The following CREB3L2 variants were observed in gnomAD, a reference collection of about 807,000 sequenced individuals.
CREB3L2 encodes the protein cAMP responsive element binding protein 3 like 2.
A neutral mutation model predicts 57.2 loss-of-function variants in CREB3L2; 23 were observed. That is an observed-to-expected ratio of 0.40 (90% confidence interval 0.29 to 0.57). The LOEUF (loss-of-function observed/expected upper bound fraction) is 0.57. Among genes scored for constraint, CREB3L2 ranks in the 20% least tolerant of loss-of-function variants. CREB3L2 has a pLI of 0.42. For missense variants in CREB3L2, 628 were observed against 634.7 expected (o/e 0.99, Z 0.11); for synonymous variants, 268 against 265.1 (o/e 1.01, Z -0.11).
intron 2 of CREB3L2, chr7:137,922,836 G>C (rs1396346472): frequency 5.7e-6 from 1 of 174,812 alleles, no homozygotes; most frequent in Non-Finnish European, 1.2e-5. Flanking sequence ...CATTTCATTT[G>C]TTTGCCCTTT....
chr7:137,907,960 A>C (rs1466832092), intron 5 of CREB3L2, among the ~76,000 whole-genome samples: 1 of 152,176 alleles, frequency 6.6e-6, no homozygotes, highest in East Asian at 1.9e-4. Flanking sequence ...GAGGAGAAAA[A>C]CCCCAAATTT....
intron 8 of CREB3L2, among the ~76,000 whole-genome samples, chr7:137,892,179 T>C (rs1277594803): frequency 1.3e-5 from 2 of 152,158 alleles, no homozygotes; most frequent in Non-Finnish European, 2.9e-5. Context: ...TCAGAGGGCA[T>C]TGTATGCTGT....
rs1003226630 is a variant in CREB3L2, at chr7:137,878,916, T to C, written c.*1560A>G. The C allele has an allele frequency of 2.2e-5, 7 of 319,614 alleles. No homozygotes were observed. Among genetic ancestry groups the C allele is most frequent in the African/African-American group, 2.1e-4 (7 of 33,882 alleles). The allele number at this position is 319,614 out of a possible 1,614,324, so 19.8% of individuals were successfully genotyped here. A position where few individuals can be genotyped will look rare whatever the true frequency, so the allele number is the denominator to read the frequency against. On this transcript the variant is annotated 3_prime_UTR_variant, in exon 12 of 12. Transcript: ENST00000330387. The stretch of plus-strand genomic sequence containing the variant: ...ACAATGCAGATGACGTGTGTGGGGG[T>C]GGGTGGTGGGGGGAGAGAGAGAAGG...
chr7:138,001,815 C>G lies in CREB3L2; in HGVS notation c.-110G>C. 1.4e-6 allele frequency: 1 copy of G among 717,512 alleles called. No individual in the cohort carries two copies. The highest frequency in any genetic ancestry group is 2.1e-6 in the Non-Finnish European group (1 of 465,924). 44.4% of individuals were successfully genotyped at this position (717,512 alleles called of 1,614,324 possible). ...CTCCGCGTGTGCTTGCGTGTGTGCG[C>G]GCGCGTGTCTGTAGTTTTGCACTTG... is the stretch of plus-strand genomic sequence containing the variant. On this transcript the variant is annotated 5_prime_UTR_variant, in exon 1 of 12. Transcript: ENST00000330387. This position sits in a 1 kb window ranked among gnomAD's most constrained non-coding sequence, Gnocchi z 4.2.
chr7:137,896,580 TGTGAGCCACC>T (rs1799632243), intron 8 of CREB3L2, among the ~76,000 whole-genome samples: 1 of 152,146 alleles, frequency 6.6e-6, no homozygotes, highest in Non-Finnish European at 1.5e-5. Context: ...GGATTACAGG[TGTGAGCCACC>T]GCGCCAGGTC....
chr7:137,972,764 G>T (rs1170876456), intron 1 of CREB3L2, among the ~76,000 whole-genome samples: 7,122 of 79,166 alleles, frequency 0.09, 593 homozygotes, highest in Middle Eastern at 0.14. Flanking sequence ...GAGAGAGAGA[G>T]AGAGAGAAAA....
At chr7:137,895,871 G>A (rs963058055) in intron 8 of CREB3L2, among the ~76,000 whole-genome samples, 32 of 152,278 alleles carry the variant, frequency 2.1e-4, no homozygotes, top group African/African-American at 7.5e-4. Context: ...CCCATTTCTG[G>A]TGACCCAGGA....
At chr7:137,924,713 G>A (rs1278061042) in intron 2 of CREB3L2, among the ~76,000 whole-genome samples, 1 of 151,754 alleles carries the variant, frequency 6.6e-6, no homozygotes, top group Non-Finnish European at 1.5e-5. Flanking sequence ...TTAGCATCTG[G>A]TTCACAGCCT....
chr7:137,924,956 T>A (rs1163127603), intron 2 of CREB3L2, among the ~76,000 whole-genome samples: 3 of 152,214 alleles, frequency 2.0e-5, no homozygotes, highest in Non-Finnish European at 4.4e-5. Flanking sequence ...ATCTAAGAAA[T>A]GATATAATAA....
In CREB3L2 at chr7:137,922,437, C is replaced by T. The variant is rs1480727516; in HGVS notation, c.319+5713G>A. 8.3e-3 allele frequency among the ~76,000 whole-genome samples: 814 copies of T among 98,656 alleles called. 59 individuals are homozygous for T. The highest frequency in any genetic ancestry group is 0.043 in the African/African-American group (660 of 15,314). The allele number at this position is 98,656 out of a possible 152,430, so 64.7% of individuals were successfully genotyped here. On this transcript the variant is annotated intron_variant, in intron 2 of 11. Coordinates refer to ENST00000330387, the MANE Select transcript of CREB3L2 (RefSeq NM_194071.4). ...ATATGTATATATATATATATATATA[C>T]GTATATATATATATATACACACATA...
chr7:137,973,033 C>T (rs1801545022), intron 1 of CREB3L2, among the ~76,000 whole-genome samples: 1 of 151,662 alleles, frequency 6.6e-6, no homozygotes, highest in Non-Finnish European at 1.5e-5. Flanking sequence ...TGAGAGAACA[C>T]AGACACACAC....
intron 1 of CREB3L2, among the ~76,000 whole-genome samples, chr7:137,948,444 T>G (rs769035326): frequency 4.6e-5 from 7 of 152,154 alleles, no homozygotes; most frequent in South Asian, 4.2e-4. Flanking sequence ...CTCCTCCAAC[T>G]CTCCAACTCT....
At chr7:137,996,263 T>C (rs1354767204) in intron 1 of CREB3L2, among the ~76,000 whole-genome samples, 1 of 152,248 alleles carries the variant, frequency 6.6e-6, no homozygotes, top group Non-Finnish European at 1.5e-5. Context: ...AAATCTTTCC[T>C]GACAGCAAAA....
Position 137,880,290 on chromosome 7 carries a change from G to A in CREB3L2, c.*186C>T. On this transcript the variant is annotated 3_prime_UTR_variant, in exon 12 of 12. Coordinates refer to ENST00000330387, the MANE Select transcript of CREB3L2 (RefSeq NM_194071.4). The surrounding 1 kb of genome is among the most constrained non-coding windows in gnomAD (Gnocchi z 4.0). ...GCAGGCTCCCTTCTGCACAGGAGGG[G>A]CATGGACCAGGGGGAGATGCTCTCT... The A allele has an allele frequency of 3.3e-6, 2 of 610,622 alleles. No homozygotes were observed. The highest frequency in any genetic ancestry group is 2.8e-5 in the East Asian group (1 of 35,950). 37.8% of individuals were successfully genotyped at this position (610,622 alleles called of 1,614,324 possible).
chr7:137,988,566 T>C (rs1361422988), intron 1 of CREB3L2, among the ~76,000 whole-genome samples: 1 of 152,184 alleles, frequency 6.6e-6, no homozygotes, highest in East Asian at 1.9e-4. Context: ...GATACTTCCT[T>C]AGTGGAAGAG....
intron 1 of CREB3L2, among the ~76,000 whole-genome samples, chr7:137,970,859 A>G (rs567605554): frequency 6.6e-6 from 1 of 152,350 alleles, no homozygotes; most frequent in Admixed American, 6.5e-5. Context: ...CCTTGTTCTA[A>G]GAACAGATTT....
chr7:137,986,222 C>G (rs539397269), intron 1 of CREB3L2, among the ~76,000 whole-genome samples: 4 of 152,356 alleles, frequency 2.6e-5, no homozygotes, highest in African/African-American at 9.6e-5. Flanking sequence ...TGGACACCTA[C>G]CATGCGCACA....
chr7:137,952,181 T>G (rs940009561), intron 1 of CREB3L2, among the ~76,000 whole-genome samples: 2 of 152,232 alleles, frequency 1.3e-5, no homozygotes, highest in Non-Finnish European at 2.9e-5. Context: ...AGTATATGAC[T>G]AATACCCTGT....
At chr7:137,888,733 G>A (rs1040299742) in intron 8 of CREB3L2, among the ~76,000 whole-genome samples, 2 of 151,966 alleles carry the variant, frequency 1.3e-5, no homozygotes, top group African/African-American at 2.4e-5. Flanking sequence ...TATGAAAAGC[G>A]GTCTCCTGTT....
Sources: gnomAD v4.1 joint callset for allele counts (sites outside exome capture counted in the v4.1 genomes callset) on GRCh38, gnomAD v4.1.1 for gene constraint, Gnocchi (gnomAD v3.1) non-coding constraint, MANE v1.5 for transcripts, NCBI Gene and HGNC (gene_info 2026-07-23, HGNC 2026-07-21) for gene names.